PCDH9: variants seen among roughly 807,000 people sequenced by gnomAD.
The protein encoded by PCDH9 is protocadherin 9.
Under a neutral mutation model 70.6 loss-of-function variants are expected in PCDH9, and 24 were observed. The ratio of observed to expected loss-of-function variants is 0.34; its 90% CI spans 0.25 to 0.48. PCDH9 has a LOEUF of 0.48. PCDH9 is among the 20% of genes least tolerant of loss of function. The probability of loss-of-function intolerance (pLI) is 0.99; values close to 1 mark genes in which losing one functional copy is unlikely to be tolerated. For missense variants in PCDH9, 1,281 were observed against 1,503.6 expected (o/e 0.85, Z 2.45); for synonymous variants, 562 against 558.5 (o/e 1.01, Z -0.09).
chr13:66,805,176 A>G (rs1179803488), intron 3 of PCDH9, among the ~76,000 whole-genome samples: 1 of 152,222 alleles, frequency 6.6e-6, no homozygotes, highest in East Asian at 1.9e-4. Flanking sequence ...TCAATGTTAC[A>G]TAAAGTAAAT....
chr13:67,108,830 A>T (rs1166708562), intron 2 of PCDH9, among the ~76,000 whole-genome samples: 1 of 152,186 alleles, frequency 6.6e-6, no homozygotes. Context: ...ATTTGAGGGA[A>T]TATGCAGTTT....
Position 67,165,047 on chromosome 13 carries a change from AAG to A in PCDH9, c.3036+60356_3036+60357del, listed in dbSNP as rs1441986674. Among the ~76,000 whole-genome samples, 3 of 152,266 alleles carry A rather than the reference AAG, an allele frequency of 2.0e-5. No homozygotes were observed. The East Asian group carries it at 5.8e-4, about 29-fold the overall frequency. The stretch of plus-strand genomic sequence containing the variant: ...CAGCATCTGAAACAGGGCCACAAAA[AAG>A]TGTAGGTACTTGATAAAGTGTGTTG... On this transcript the variant is annotated intron_variant, in intron 2 of 4. Coordinates refer to ENST00000377865, the MANE Select transcript of PCDH9 (RefSeq NM_203487.3).
intron 2 of PCDH9, chr13:67,218,490 TAG>T (rs1463920125): frequency 2.6e-5 from 4 of 152,058 alleles, no homozygotes; most frequent in African/African-American, 7.2e-5. Flanking sequence ...TGAAAGGGAT[TAG>T]AGTGTTTCTT....
At chr13:67,100,990 G>A (rs138808692) in intron 2 of PCDH9, among the ~76,000 whole-genome samples, 2 of 152,288 alleles carry the variant, frequency 1.3e-5, no homozygotes, top group Admixed American at 1.3e-4. Context: ...CCCTCTGAAA[G>A]GGGTCCGCAC....
chr13:66,771,737 G>C (rs906720125), intron 3 of PCDH9, among the ~76,000 whole-genome samples: 1 of 152,090 alleles, frequency 6.6e-6, no homozygotes, highest in Non-Finnish European at 1.5e-5. Context: ...ATATACATTA[G>C]GCAAATTGAT....
At chr13:67,183,066 A>G (rs2138489163) in intron 2 of PCDH9, among the ~76,000 whole-genome samples, 1 of 152,298 alleles carries the variant, frequency 6.6e-6, no homozygotes, top group East Asian at 1.9e-4. Context: ...TGTTACTACT[A>G]CTATAGACAT....
chr13:66,387,933 T>C (rs1463963314), intron 4 of PCDH9, among the ~76,000 whole-genome samples: 1 of 152,196 alleles, frequency 6.6e-6, no homozygotes, highest in African/African-American at 2.4e-5. Flanking sequence ...AATAATTCAA[T>C]AAATTAAATA....
At chr13:66,952,755 T>C (rs1295969097) in intron 2 of PCDH9, among the ~76,000 whole-genome samples, 2 of 152,100 alleles carry the variant, frequency 1.3e-5, no homozygotes, top group African/African-American at 4.8e-5. Flanking sequence ...CAAGCCACCA[T>C]CTTCTATTGA....
intron 4 of PCDH9, among the ~76,000 whole-genome samples, chr13:66,556,857 G>C (rs1436729973): frequency 2.0e-5 from 3 of 152,042 alleles, no homozygotes; most frequent in Admixed American, 6.5e-5. Context: ...GCAACAAGGA[G>C]CTAGATAGAA....
chr13:67,042,365 G>A (rs1237630782), intron 2 of PCDH9, among the ~76,000 whole-genome samples: 2 of 152,144 alleles, frequency 1.3e-5, no homozygotes, highest in Non-Finnish European at 2.9e-5. Context: ...GAGAAACAAA[G>A]CACCTTCTTC....
At chr13:66,376,257 G>T (rs2138229359) in intron 4 of PCDH9, among the ~76,000 whole-genome samples, 1 of 152,170 alleles carries the variant, frequency 6.6e-6, no homozygotes, top group South Asian at 2.1e-4. Flanking sequence ...GTCTTTTGTA[G>T]TCTGAAGTCT....
intron 3 of PCDH9, among the ~76,000 whole-genome samples, chr13:66,738,992 G>A (rs1227945325): frequency 2.5e-4 from 30 of 118,844 alleles, no homozygotes; most frequent in Admixed American, 6.3e-4. Flanking sequence ...TACAGAGAAC[G>A]CCACAAAGAT....
chr13:66,507,190 C>T (rs548064676), intron 4 of PCDH9, among the ~76,000 whole-genome samples: 344 of 148,468 alleles, frequency 2.3e-3, no homozygotes, highest in Non-Finnish European at 3.8e-3. Context: ...AACTGTCACC[C>T]TCAGACTTGC....
intron 2 of PCDH9, among the ~76,000 whole-genome samples, chr13:67,059,332 A>T (rs2085486244): frequency 7.0e-6 from 1 of 142,538 alleles, no homozygotes; most frequent in Admixed American, 7.2e-5. Flanking sequence ...AAAAAAAACA[A>T]ATTTCAAATA....
At chr13:67,026,568 A>C (rs2084786445) in intron 2 of PCDH9, among the ~76,000 whole-genome samples, 1 of 152,090 alleles carries the variant, frequency 6.6e-6, no homozygotes, top group African/African-American at 2.4e-5. Flanking sequence ...GGCCAGGGCA[A>C]TTAGGCAGGA....
intron 3 of PCDH9, among the ~76,000 whole-genome samples, chr13:66,654,976 T>TACCAA (rs2077908663): frequency 6.6e-6 from 1 of 152,134 alleles, no homozygotes; most frequent in Non-Finnish European, 1.5e-5. Flanking sequence ...TACACTCACC[T>TACCAA]TGGCCTACCA....
At chr13:66,739,136 G>A (rs1345833163) in intron 3 of PCDH9, among the ~76,000 whole-genome samples, 93 of 143,676 alleles carry the variant, frequency 6.5e-4, no homozygotes, top group Middle Eastern at 3.6e-3. Context: ...GACTAACAGC[G>A]GATCTCTCGG....
chr13:66,442,177 A>G (rs538383429), intron 4 of PCDH9, among the ~76,000 whole-genome samples: 1 of 152,280 alleles, frequency 6.6e-6, no homozygotes, highest in East Asian at 1.9e-4. Flanking sequence ...ACATACATCA[A>G]TTGACTTTCA....
chr13:66,889,400 C>T (rs571436503), intron 3 of PCDH9, among the ~76,000 whole-genome samples: 34 of 152,240 alleles, frequency 2.2e-4, no homozygotes, highest in African/African-American at 7.5e-4. Context: ...TTAAGTCATT[C>T]GTCACATATC....
Sources: gnomAD v4.1 joint callset for allele counts (sites outside exome capture counted in the v4.1 genomes callset) on GRCh38, gnomAD v4.1.1 for gene constraint, MANE v1.5 for transcripts, NCBI Gene and HGNC (gene_info 2026-07-23, HGNC 2026-07-21) for gene names.